The following MEOX2 variants were observed in gnomAD, a reference collection of about 807,000 sequenced individuals.
MEOX2 encodes homeobox protein MOX-2.
A neutral mutation model predicts 27.0 loss-of-function variants in MEOX2; 11 were observed. The observed-to-expected ratio is 0.41, with a 90% CI of 0.26 to 0.68. MEOX2 has a LOEUF of 0.68. MEOX2 is among the 30% of genes least tolerant of loss of function. The pLI is 0.33. For missense variants in MEOX2, 436 were observed against 385.4 expected, an observed-to-expected ratio of 1.13 and a Z score of -1.10; for synonymous variants, 189 against 155.4, an observed-to-expected ratio of 1.22 and a Z score of -1.61.
intron 2 of MEOX2, among the ~76,000 whole-genome samples, chr7:15,626,100 G>T (rs1185942595): frequency 1.3e-5 from 2 of 152,090 alleles, no homozygotes; most frequent in African/African-American, 4.8e-5. Flanking sequence ...CTAGACATTA[G>T]TGTGTAAATA....
At chr7:15,653,581 A>T (rs1161099300) in intron 1 of MEOX2, among the ~76,000 whole-genome samples, 5 of 151,998 alleles carry the variant, frequency 3.3e-5, no homozygotes, top group Non-Finnish European at 5.9e-5. Flanking sequence ...AGATTTTCTC[A>T]TACATTTTAT....
intron 1 of MEOX2, among the ~76,000 whole-genome samples, chr7:15,660,767 A>G (rs112446740): frequency 6.8e-4 from 104 of 152,208 alleles, no homozygotes; most frequent in African/African-American, 2.1e-3. Flanking sequence ...CATGCCTCTA[A>G]TCCCAACACT....
chr7:15,652,675 A>G (rs1006053558), intron 1 of MEOX2, among the ~76,000 whole-genome samples: 11 of 152,000 alleles, frequency 7.2e-5, no homozygotes, highest in African/African-American at 2.7e-4. Flanking sequence ...CAAGTTCTCT[A>G]TGTCTGTAAT....
intron 2 of MEOX2, among the ~76,000 whole-genome samples, chr7:15,622,799 C>G (rs1189387510): frequency 6.6e-6 from 1 of 152,116 alleles, no homozygotes; most frequent in Non-Finnish European, 1.5e-5. Flanking sequence ...TCCTAACCCT[C>G]AAGGTGACGG....
intron 1 of MEOX2, among the ~76,000 whole-genome samples, chr7:15,652,141 C>G (rs570121449): frequency 6.6e-6 from 1 of 152,008 alleles, no homozygotes; most frequent in African/African-American, 2.4e-5. Flanking sequence ...GCAATTAATT[C>G]ATTTTCGTTT....
At chr7:15,650,670 G>A (rs1438390333) in intron 1 of MEOX2, among the ~76,000 whole-genome samples, 2 of 152,160 alleles carry the variant, frequency 1.3e-5, no homozygotes, top group African/African-American at 4.8e-5. Context: ...GTATACAGGA[G>A]AGAGAAGAAA....
At chr7:15,667,247 C>G (rs1264075417) in intron 1 of MEOX2, among the ~76,000 whole-genome samples, 1 of 130,676 alleles carries the variant, frequency 7.7e-6, no homozygotes, top group Non-Finnish European at 1.6e-5. Flanking sequence ...GCCAAGATTG[C>G]ACCACTGCAC....
At position 15,686,440 on chromosome 7, in the gene MEOX2, G is replaced by T; in HGVS notation, c.-38C>A. On this transcript the variant is annotated 5_prime_UTR_variant, in exon 1 of 3. Transcript: ENST00000262041. Reference sequence around the variant, plus strand: ...TCGGGTTCCAGGCAGAAGACTTCACGGCGGTTCCAAAGGCCACCACCCTCT... The same window carrying T: ...TCGGGTTCCAGGCAGAAGACTTCACTGCGGTTCCAAAGGCCACCACCCTCT... 1 of 1,533,348 alleles carries T rather than the reference G, an allele frequency of 6.5e-7. No individual in the cohort carries two copies. The highest frequency in any genetic ancestry group is 8.8e-7 in the Non-Finnish European group (1 of 1,136,670). The allele number at this position is 1,533,348 out of a possible 1,614,324, so 95.0% of individuals were successfully genotyped here. A position where few individuals can be genotyped will look rare whatever the true frequency, so the allele number is the denominator to read the frequency against.
intron 1 of MEOX2, among the ~76,000 whole-genome samples, chr7:15,659,899 T>C: frequency 6.6e-6 from 1 of 152,170 alleles, no homozygotes; most frequent in Non-Finnish European, 1.5e-5. Flanking sequence ...TGAGTAATAC[T>C]CTGTACCAGT....
intron 1 of MEOX2, among the ~76,000 whole-genome samples, chr7:15,648,843 T>C (rs1000725919): frequency 1.1e-4 from 17 of 151,996 alleles, no homozygotes; most frequent in Non-Finnish European, 2.1e-4. Flanking sequence ...AGATTTGAGG[T>C]TGGAGTTTAG....
chr7:15,635,672 T>A (rs17168944), intron 1 of MEOX2, among the ~76,000 whole-genome samples: 8,258 of 152,024 alleles, frequency 0.054, 733 homozygotes, highest in African/African-American at 0.19. Context: ...TTAGTTTTTT[T>A]AAAATGTAGG....
chr7:15,636,924 G>T (rs949183109), intron 1 of MEOX2, among the ~76,000 whole-genome samples: 1 of 151,938 alleles, frequency 6.6e-6, no homozygotes, highest in Admixed American at 6.6e-5. Flanking sequence ...ATTCATGGGA[G>T]TGAAATCCTC....
chr7:15,658,156 G>C (rs530191745), intron 1 of MEOX2, among the ~76,000 whole-genome samples: 25 of 152,336 alleles, frequency 1.6e-4, no homozygotes, highest in African/African-American at 5.8e-4. Context: ...GGCCTCCTTT[G>C]AAACCATCCT....
At chr7:15,663,252 AGAC>A (rs1342579444) in intron 1 of MEOX2, among the ~76,000 whole-genome samples, 1 of 152,192 alleles carries the variant, frequency 6.6e-6, no homozygotes, top group Non-Finnish European at 1.5e-5. Flanking sequence ...ATGAGTAAGA[AGAC>A]AAAATTTTCC....
chr7:15,619,487 A>G (rs980049517), intron 2 of MEOX2, among the ~76,000 whole-genome samples: 80 of 152,078 alleles, frequency 5.3e-4, no homozygotes, highest in African/African-American at 1.9e-3. Context: ...GGGAAGAATT[A>G]TCTTTATCCT....
At chr7:15,678,715 T>A (rs1562617106) in intron 1 of MEOX2, among the ~76,000 whole-genome samples, 1 of 152,160 alleles carries the variant, frequency 6.6e-6, no homozygotes, top group Non-Finnish European at 1.5e-5. Flanking sequence ...TAAGTTTTCA[T>A]TTGGGTGTCA....
intron 1 of MEOX2, among the ~76,000 whole-genome samples, chr7:15,642,536 A>G (rs1781579197): frequency 6.6e-6 from 1 of 151,872 alleles, no homozygotes; most frequent in African/African-American, 2.4e-5. Context: ...TTTCTTTGTG[A>G]TTATTTTCAA....
intron 1 of MEOX2, among the ~76,000 whole-genome samples, chr7:15,685,565 C>T (rs888634395): frequency 1.3e-5 from 2 of 152,194 alleles, no homozygotes; most frequent in Non-Finnish European, 2.9e-5. Flanking sequence ...GCCCCTCCCT[C>T]CCCAGCGCTG....
intron 1 of MEOX2, among the ~76,000 whole-genome samples, chr7:15,661,897 C>G (rs939030210): frequency 1.3e-5 from 2 of 152,146 alleles, no homozygotes; most frequent in Non-Finnish European, 2.9e-5. Flanking sequence ...TCCATAATTG[C>G]ACAACTACAT....
Sources: gnomAD v4.1 joint callset for allele counts (sites outside exome capture counted in the v4.1 genomes callset) on GRCh38, gnomAD v4.1.1 for gene constraint, MANE v1.5 for transcripts, NCBI Gene and HGNC (gene_info 2026-07-23, HGNC 2026-07-21) for gene names.